Variants in NREP observed in about 807,000 individuals in gnomAD.
The protein encoded by NREP is neuronal regeneration-related protein.
In NREP, 5 loss-of-function variants were observed where a neutral mutation model predicts 8.6. That is an observed-to-expected ratio of 0.58 (90% CI 0.30 to 1.22). The LOEUF (loss-of-function observed/expected upper bound fraction) is 1.22. NREP is among the 50% of genes most tolerant of loss of function. The pLI is 0.07. For synonymous variants in NREP, 27 were observed against 28.0 expected, an observed-to-expected ratio of 0.96 and a Z score of 0.11; for missense variants, 86 against 82.5, an observed-to-expected ratio of 1.04 and a Z score of -0.17.
chr5:111,754,749 A>G (rs1486040377), intron 2 of NREP, among the ~76,000 whole-genome samples: 1 of 152,244 alleles, frequency 6.6e-6, no homozygotes, highest in African/African-American at 2.4e-5. Context: ...ATAAAAAATA[A>G]AACACTTGTT....
intron 2 of NREP, among the ~76,000 whole-genome samples, chr5:111,972,198 C>G (rs1422969306): frequency 6.6e-6 from 1 of 152,036 alleles, no homozygotes; most frequent in African/African-American, 2.4e-5. Flanking sequence ...TGACCTCACA[C>G]CTGTTAGAAT....
At chr5:111,819,326 A>G (rs1298104708) in intron 2 of NREP, among the ~76,000 whole-genome samples, 1 of 152,156 alleles carries the variant, frequency 6.6e-6, no homozygotes, top group African/African-American at 2.4e-5. Context: ...CGGAATTAGC[A>G]TAGACTGTGT....
At chr5:111,957,697 A>G (rs908596929) in intron 2 of NREP, among the ~76,000 whole-genome samples, 4 of 150,262 alleles carry the variant, frequency 2.7e-5, no homozygotes, top group Non-Finnish European at 5.9e-5. Flanking sequence ...ATGTGTGTGT[A>G]TATATATATA....
intron 2 of NREP, among the ~76,000 whole-genome samples, chr5:111,869,645 A>G (rs1753742443): frequency 6.6e-6 from 1 of 152,202 alleles, no homozygotes; most frequent in Admixed American, 6.5e-5. Flanking sequence ...GTGGAGAGAA[A>G]GAAAACGGAA....
intron 2 of NREP, among the ~76,000 whole-genome samples, chr5:111,937,146 T>A (rs1027751182): frequency 6.6e-6 from 1 of 152,064 alleles, no homozygotes; most frequent in Admixed American, 6.6e-5. Flanking sequence ...ATTCACAACA[T>A]AATCAGAGAA....
intron 2 of NREP, among the ~76,000 whole-genome samples, chr5:111,964,971 C>G (rs993917552): frequency 6.8e-6 from 1 of 146,526 alleles, no homozygotes; most frequent in Non-Finnish European, 1.5e-5. Flanking sequence ...GAAGTCCAGA[C>G]GTAAGGAAAA....
intron 2 of NREP, among the ~76,000 whole-genome samples, chr5:111,857,978 A>G (rs1753462240): frequency 6.6e-6 from 1 of 151,542 alleles, no homozygotes; most frequent in Non-Finnish European, 1.5e-5. Context: ...AAAAAAAAAG[A>G]CCCATTCAGT....
chr5:111,873,272 G>C (rs919838157), intron 2 of NREP, among the ~76,000 whole-genome samples: 1 of 152,024 alleles, frequency 6.6e-6, no homozygotes, highest in Non-Finnish European at 1.5e-5. Flanking sequence ...GAAGAAGAAC[G>C]GTATCAGTTT....
Position 111,731,036 on chromosome 5 carries a change from G to A in NREP, c.92C>T (p.Pro31Leu), listed in dbSNP as rs951060341. ...CTTGCGGTTCACTTCCTTTGGGACA[G>A]GAAGTCTTCCCTGCAAAGCAGGCAG... Reference protein sequence around the residue: ...MEGRLPKGRLPVPKEVNRKKN... With the variant: ...MEGRLPKGRLLVPKEVNRKKN... Residue 31 changes from proline (P) to leucine (L), a missense_variant, in exon 4 of 4, where the codon CCT becomes CTT. Transcript: ENST00000257435. The A allele has an allele frequency of 1.9e-6, 3 of 1,613,718 alleles. No individual in the cohort carries two copies. Among genetic ancestry groups the A allele is most frequent in the Non-Finnish European group, 2.5e-6 (3 of 1,179,812 alleles).
At chr5:111,967,890 A>G (rs1756690467) in intron 2 of NREP, among the ~76,000 whole-genome samples, 1 of 152,186 alleles carries the variant, frequency 6.6e-6, no homozygotes, top group Non-Finnish European at 1.5e-5. Flanking sequence ...ATAATTCATG[A>G]AAAGTAAAAA....
At chr5:111,769,278 G>C (rs183331607) in intron 2 of NREP, among the ~76,000 whole-genome samples, 1 of 152,312 alleles carries the variant, frequency 6.6e-6, no homozygotes, top group Non-Finnish European at 1.5e-5. Context: ...CTAGGCACCA[G>C]AGTTACAGCG....
At chr5:111,811,906 G>C (rs1156454925) in intron 2 of NREP, among the ~76,000 whole-genome samples, 2 of 152,126 alleles carry the variant, frequency 1.3e-5, no homozygotes, top group Non-Finnish European at 2.9e-5. Context: ...ATAACTTAAA[G>C]AAATTAAAAA....
intron 2 of NREP, among the ~76,000 whole-genome samples, chr5:111,768,725 G>A (rs1016922075): frequency 3.3e-5 from 5 of 152,092 alleles, no homozygotes; most frequent in African/African-American, 7.2e-5. Context: ...AGTATTCTGT[G>A]GTTTATATGT....
intron 2 of NREP, among the ~76,000 whole-genome samples, chr5:111,857,630 C>A (rs1459789229): frequency 2.6e-5 from 4 of 152,086 alleles, no homozygotes; most frequent in South Asian, 2.1e-4. Flanking sequence ...AAATTGTCTT[C>A]TTTGGGACAC....
intron 2 of NREP, among the ~76,000 whole-genome samples, chr5:111,920,254 G>A (rs1755200301): frequency 1.3e-5 from 2 of 151,870 alleles, no homozygotes; most frequent in Admixed American, 6.6e-5. Context: ...CCCTGGTGCT[G>A]GCTGTCAATT....
At position 111,867,723 on chromosome 5, in the gene NREP, C is replaced by G. The variant is rs79189773; in HGVS notation, c.135+107551G>C. Among the ~76,000 whole-genome samples, 806 of 152,116 alleles carry G rather than the reference C, an allele frequency of 5.3e-3. 6 individuals carry two copies. Among genetic ancestry groups the G allele is most frequent in the African/African-American group, 0.019 (770 of 41,518 alleles). Reference sequence around the variant, plus strand: ...AGAGCCATCGAATAAGAAAACAAAACAGAATAAAATATGGTACCCTTATCT... The same window carrying G: ...AGAGCCATCGAATAAGAAAACAAAAGAGAATAAAATATGGTACCCTTATCT... On this transcript the variant is annotated intron_variant, in intron 2 of 3. Coordinates refer to the NREP transcript ENST00000395634.
intron 2 of NREP, among the ~76,000 whole-genome samples, chr5:111,805,982 T>C (rs1752131870): frequency 6.6e-6 from 1 of 152,204 alleles, no homozygotes; most frequent in Non-Finnish European, 1.5e-5. Context: ...TTCCACAGTG[T>C]ACATGTATGT....
intron 2 of NREP, among the ~76,000 whole-genome samples, chr5:111,810,192 A>G (rs1005486307): frequency 7.2e-5 from 11 of 152,172 alleles, no homozygotes; most frequent in African/African-American, 2.7e-4. Context: ...AAAGTCGACA[A>G]TGAGCTGTGT....
chr5:111,890,089 G>A (rs2112531944), intron 2 of NREP, among the ~76,000 whole-genome samples: 1 of 152,234 alleles, frequency 6.6e-6, no homozygotes. Flanking sequence ...GTGCAGGCTT[G>A]GGCTCAGAGA....
Sources: allele counts gnomAD v4.1 joint callset (sites outside exome capture counted in the v4.1 genomes callset), GRCh38; gene constraint gnomAD v4.1.1; transcripts MANE v1.5; gene names NCBI Gene and HGNC (gene_info 2026-07-23, HGNC 2026-07-21).